BTBD9: variants seen among roughly 807,000 people sequenced by gnomAD.
BTBD9 encodes BTB domain containing 9, also known as BTB/POZ domain-containing protein 9.
In BTBD9, 49 loss-of-function variants were observed where a neutral mutation model predicts 64.3. The observed-to-expected ratio is 0.76, with a 90% confidence interval of 0.61 to 0.97. BTBD9 has a LOEUF of 0.97. Ranked by LOEUF, BTBD9 falls within the 50% of genes least tolerant of loss-of-function variation. BTBD9 has a pLI of 0.00. For synonymous variants in BTBD9, 260 were observed against 274.7 expected, an observed-to-expected ratio of 0.95 and a Z score of 0.53; for missense variants, 598 against 762.1, an observed-to-expected ratio of 0.78 and a Z score of 2.53.
chr6:38,186,359 G>T (rs550363262), intron 10 of BTBD9, among the ~76,000 whole-genome samples: 42 of 152,272 alleles, frequency 2.8e-4, no homozygotes, highest in South Asian at 6.2e-4. Flanking sequence ...TAATAATGAT[G>T]ATTATTATAA....
At chr6:38,312,306 T>C (rs2127571431) in intron 7 of BTBD9, among the ~76,000 whole-genome samples, 1 of 152,366 alleles carries the variant, frequency 6.6e-6, no homozygotes, top group Non-Finnish European at 1.5e-5. Flanking sequence ...ATTCTGGTTA[T>C]TAATCCCTTG....
intron 9 of BTBD9, among the ~76,000 whole-genome samples, chr6:38,218,807 A>G (rs1561887573): frequency 6.6e-6 from 1 of 152,196 alleles, no homozygotes; most frequent in African/African-American, 2.4e-5. Context: ...TCAAATCCCA[A>G]CTGATCAACT....
At chr6:38,277,842 C>A (rs765243505) in intron 8 of BTBD9, among the ~76,000 whole-genome samples, 1 of 152,090 alleles carries the variant, frequency 6.6e-6, no homozygotes, top group African/African-American at 2.4e-5. Flanking sequence ...AAACAGAACA[C>A]ATGAAATATG....
chr6:38,205,831 C>G (rs1297502747), intron 9 of BTBD9, among the ~76,000 whole-genome samples: 1 of 134,610 alleles, frequency 7.4e-6, no homozygotes, highest in Non-Finnish European at 1.5e-5. Context: ...TTGCAGTGAG[C>G]CAACACTGTG....
At chr6:38,484,499 T>G (rs1771309632) in intron 6 of BTBD9, among the ~76,000 whole-genome samples, 1 of 152,210 alleles carries the variant, frequency 6.6e-6, no homozygotes, top group Non-Finnish European at 1.5e-5. Context: ...ATCAACTGAG[T>G]GCTTCCTTTG....
intron 6 of BTBD9, among the ~76,000 whole-genome samples, chr6:38,518,932 C>A (rs1045909703): frequency 1.3e-5 from 2 of 151,934 alleles, no homozygotes; most frequent in Non-Finnish European, 2.9e-5. Flanking sequence ...AAGTGATATA[C>A]CAATTAAAGA....
chr6:38,630,468 G>GTGCATTTTA (rs1778325040), intron 1 of BTBD9, among the ~76,000 whole-genome samples: 1 of 152,198 alleles, frequency 6.6e-6, no homozygotes, highest in Non-Finnish European at 1.5e-5. Context: ...TTGAAGGATT[G>GTGCATTTTA]GGTATTATAT....
intron 6 of BTBD9, among the ~76,000 whole-genome samples, chr6:38,574,070 C>T (rs1216919031): frequency 6.6e-6 from 1 of 152,162 alleles, no homozygotes; most frequent in African/African-American, 2.4e-5. Flanking sequence ...CAGTTAAAGG[C>T]TGAAGAGGAT....
At chr6:38,463,849 T>C (rs1770215800) in intron 6 of BTBD9, among the ~76,000 whole-genome samples, 1 of 152,136 alleles carries the variant, frequency 6.6e-6, no homozygotes, top group Non-Finnish European at 1.5e-5. Flanking sequence ...CTGGCCAACA[T>C]GGCGAAATCC....
chr6:38,251,117 T>A, intron 9 of BTBD9, among the ~76,000 whole-genome samples: 1 of 150,402 alleles, frequency 6.6e-6, no homozygotes, highest in East Asian at 1.9e-4. Flanking sequence ...ATAATAGAGG[T>A]TTAAGTATAT....
At chr6:38,247,532 C>G (rs1195552162) in intron 9 of BTBD9, among the ~76,000 whole-genome samples, 1 of 152,202 alleles carries the variant, frequency 6.6e-6, no homozygotes, top group Non-Finnish European at 1.5e-5. Flanking sequence ...AGGGGAGAAG[C>G]TTCCCAACAT....
At chr6:38,455,651 A>T (rs1479083628) in intron 6 of BTBD9, among the ~76,000 whole-genome samples, 1 of 152,096 alleles carries the variant, frequency 6.6e-6, no homozygotes, top group African/African-American at 2.4e-5. Context: ...CAGATTTTTC[A>T]CCCATTTATG....
At chr6:38,504,564 TGCGG>T in intron 6 of BTBD9, 1 of 456,802 alleles carries the variant, frequency 2.2e-6, no homozygotes, top group South Asian at 1.5e-5. Flanking sequence ...TCTCATAAAC[TGCGG>T]GTGAAATGTG....
At chr6:38,354,045 G>C (rs1039608799) in intron 6 of BTBD9, among the ~76,000 whole-genome samples, 1 of 151,876 alleles carries the variant, frequency 6.6e-6, no homozygotes, top group Non-Finnish European at 1.5e-5. Context: ...GAGGAAGAGA[G>C]GCAAAAGAAG....
intron 6 of BTBD9, among the ~76,000 whole-genome samples, chr6:38,439,571 T>C (rs1238381423): frequency 6.6e-6 from 1 of 151,834 alleles, no homozygotes. Flanking sequence ...GGATTACAGG[T>C]ACCCACCACC....
intron 6 of BTBD9, among the ~76,000 whole-genome samples, chr6:38,513,706 G>A (rs186427121): frequency 1.3e-5 from 2 of 152,218 alleles, no homozygotes; most frequent in Admixed American, 1.3e-4. Context: ...AAAACTACCA[G>A]CAGAGGTGGG....
At chr6:38,617,384 T>G (rs1302448310) in intron 1 of BTBD9, among the ~76,000 whole-genome samples, 1 of 152,128 alleles carries the variant, frequency 6.6e-6, no homozygotes, top group Non-Finnish European at 1.5e-5. Flanking sequence ...GAGAAGTTCC[T>G]CCCACCTCTC....
At chr6:38,548,467 G>T (rs181021935) in intron 6 of BTBD9, among the ~76,000 whole-genome samples, 35 of 152,122 alleles carry the variant, frequency 2.3e-4, no homozygotes, top group Admixed American at 8.5e-4. Flanking sequence ...TTCAGGTTTT[G>T]CCAACACATT....
intron 6 of BTBD9, among the ~76,000 whole-genome samples, chr6:38,395,136 A>G (rs1242332797): frequency 6.6e-6 from 1 of 152,128 alleles, no homozygotes; most frequent in African/African-American, 2.4e-5. Flanking sequence ...TTCCCTTATA[A>G]AAGAGGCCAG....
Sources: gnomAD v4.1 joint callset for allele counts (sites outside exome capture counted in the v4.1 genomes callset) on GRCh38, gnomAD v4.1.1 for gene constraint, MANE v1.5 for transcripts, NCBI Gene and HGNC (gene_info 2026-07-23, HGNC 2026-07-21) for gene names.